The following NREP variants were observed in gnomAD, a reference collection of about 807,000 sequenced individuals.
NREP encodes the protein neuronal regeneration-related protein.
A neutral mutation model predicts 8.6 loss-of-function variants in NREP; 5 were observed. The ratio of observed to expected loss-of-function variants is 0.58; its 90% CI spans 0.30 to 1.22. The LOEUF is 1.22. Ranked by LOEUF, NREP falls within the 50% of genes most tolerant of loss-of-function variation. The probability of loss-of-function intolerance (pLI) is 0.07; values close to 1 mark genes in which losing one functional copy is unlikely to be tolerated. For missense variants in NREP, 86 were observed against 82.5 expected, an observed-to-expected ratio of 1.04 and a Z score of -0.17; for synonymous variants, 27 against 28.0, an observed-to-expected ratio of 0.96 and a Z score of 0.11.
At chr5:111,757,231 GGGGGGGA>G, upstream of NREP, 29 of 560,754 alleles carry the variant, frequency 5.2e-5, no homozygotes, top group South Asian at 8.3e-5. Context: ...AGACAGATTG[GGGGGGGA>G]GGGGGGATTG....
At position 111,976,931 on chromosome 5, in the gene NREP, T is replaced by C. The variant is rs1223722528; in HGVS notation, c.-192A>G. The stretch of plus-strand genomic sequence containing the variant: ...TTCTAGATGCTGGCAACAGTCATTC[T>C]GAACCATAAAAACTGTACAAGGAAA... On this transcript the variant is annotated 5_prime_UTR_variant, in exon 1 of 4. Coordinates refer to the NREP transcript ENST00000395634. 4 of 533,316 alleles carry C rather than the reference T, an allele frequency of 7.5e-6. No homozygotes were observed. The Admixed American group carries it at 1.4e-4, about 19-fold the overall frequency. 33.0% of individuals were successfully genotyped at this position (533,316 alleles called of 1,614,324 possible). A position where few individuals can be genotyped will look rare whatever the true frequency, so the allele number is the denominator to read the frequency against.
chr5:111,839,072 A>T (rs1203611269), intron 2 of NREP, among the ~76,000 whole-genome samples: 1 of 152,126 alleles, frequency 6.6e-6, no homozygotes, highest in African/African-American at 2.4e-5. Flanking sequence ...TATTGATCAA[A>T]TATACATGAA....
At chr5:111,957,706 T>C (rs1493454) in intron 2 of NREP, among the ~76,000 whole-genome samples, 74,232 of 150,928 alleles carry the variant, frequency 0.49, 19,422 homozygotes, top group African/African-American at 0.66. Context: ...TATATATATA[T>C]ACACACACAC....
At chr5:111,945,816 CAA>C (rs1755963180) in intron 2 of NREP, among the ~76,000 whole-genome samples, 1 of 151,462 alleles carries the variant, frequency 6.6e-6, no homozygotes, top group South Asian at 2.1e-4. Context: ...AGAACGTTTG[CAA>C]AAAAAGAGGG....
chr5:111,916,778 A>G (rs116603428), intron 2 of NREP, among the ~76,000 whole-genome samples: 1,597 of 152,212 alleles, frequency 0.01, 27 homozygotes, highest in African/African-American at 0.037. Flanking sequence ...CTTAGAATCA[A>G]CTGTTAGGGG....
At chr5:111,886,286 C>A (rs1754246536) in intron 2 of NREP, among the ~76,000 whole-genome samples, 1 of 152,156 alleles carries the variant, frequency 6.6e-6, no homozygotes, top group Admixed American at 6.5e-5. Context: ...CATCTCACAC[C>A]AGTTAGAATG....
At chr5:111,898,221 A>C (rs531821867) in intron 2 of NREP, among the ~76,000 whole-genome samples, 19 of 152,312 alleles carry the variant, frequency 1.2e-4, no homozygotes, top group African/African-American at 3.8e-4. Flanking sequence ...GAAAGTGTAG[A>C]AGCAGGAAAA....
chr5:111,970,781 A>T (rs1005167040), intron 2 of NREP, among the ~76,000 whole-genome samples: 5 of 138,856 alleles, frequency 3.6e-5, no homozygotes, highest in Non-Finnish European at 1.5e-5. Context: ...AGTCGAAATC[A>T]TGCCACTGCA....
At chr5:111,735,615 C>G in intron 2 of NREP, 108 bp from the exon 3 acceptor site, 2 of 738,052 alleles carry the variant, frequency 2.7e-6, no homozygotes, top group Non-Finnish European at 4.6e-6. Flanking sequence ...TACTTATTCC[C>G]GACTACCACT....
intron 2 of NREP, among the ~76,000 whole-genome samples, chr5:111,956,377 C>A (rs776284858): frequency 9.9e-5 from 15 of 151,198 alleles, no homozygotes; most frequent in Non-Finnish European, 1.9e-4. Context: ...TTTATGAAAC[C>A]GACAGAGTTG....
chr5:111,732,715 T>C (rs1433361699), intron 3 of NREP: 4 of 146,766 alleles, frequency 2.7e-5, no homozygotes, highest in Admixed American at 2.7e-4. Flanking sequence ...TTTAAAATAA[T>C]GCTGCCAGCC....
chr5:111,797,062 A>AT (rs776794245), intron 2 of NREP, among the ~76,000 whole-genome samples: 1 of 147,334 alleles, frequency 6.8e-6, no homozygotes, highest in East Asian at 2.0e-4. Flanking sequence ...AGTGTCTACT[A>AT]AGATAGATAG....
At chr5:111,976,603 G>A (rs1756970171) in intron 1 of NREP, 2 of 840,252 alleles carry the variant, frequency 2.4e-6, no homozygotes, top group Admixed American at 5.4e-5. Flanking sequence ...AAATGAACAA[G>A]GTTAAAATGG....
chr5:111,783,026 C>G (rs13159391), intron 2 of NREP, among the ~76,000 whole-genome samples: 64,941 of 151,886 alleles, frequency 0.43, 14,179 homozygotes, highest in Non-Finnish European at 0.47. Context: ...AGTCACTGTG[C>G]CTGGCCCCAC....
At chr5:111,831,810 G>A (rs1752775226) in intron 2 of NREP, among the ~76,000 whole-genome samples, 1 of 152,154 alleles carries the variant, frequency 6.6e-6, no homozygotes, top group East Asian at 1.9e-4. Context: ...GGGAAGTCTG[G>A]TTGGCACGCC....
intron 2 of NREP, among the ~76,000 whole-genome samples, chr5:111,880,993 G>A (rs775684362): frequency 7.6e-4 from 115 of 152,250 alleles, no homozygotes; most frequent in Non-Finnish European, 1.4e-3. Context: ...TGGGTGCAGC[G>A]CACCGTGCAT....
At chr5:111,778,323 C>T (rs1422533246) in intron 2 of NREP, among the ~76,000 whole-genome samples, 2 of 152,132 alleles carry the variant, frequency 1.3e-5, no homozygotes, top group Non-Finnish European at 2.9e-5. Context: ...GCTTTATATG[C>T]ATCATAGTGT....
upstream of NREP, among the ~76,000 whole-genome samples, chr5:111,759,421 C>G (rs1054118306): frequency 3.5e-5 from 5 of 144,878 alleles, no homozygotes; most frequent in African/African-American, 2.5e-5. Flanking sequence ...TTCTTTCTTT[C>G]TTTTTTTTTT....
At chr5:111,772,348 A>G (rs1751250964) in intron 2 of NREP, among the ~76,000 whole-genome samples, 1 of 152,196 alleles carries the variant, frequency 6.6e-6, no homozygotes, top group South Asian at 2.1e-4. Flanking sequence ...TAGTTTTGAA[A>G]TACAATTCAT....
Sources: gnomAD v4.1 joint callset for allele counts (sites outside exome capture counted in the v4.1 genomes callset) on GRCh38, gnomAD v4.1.1 for gene constraint, MANE v1.5 for transcripts, NCBI Gene and HGNC (gene_info 2026-07-23, HGNC 2026-07-21) for gene names.